EIPR1: variants seen among roughly 807,000 people sequenced by gnomAD.
The protein encoded by EIPR1 is EARP and GARP complex-interacting protein 1.
A neutral mutation model predicts 48.1 loss-of-function variants in EIPR1; 25 were observed. The observed-to-expected ratio is 0.52, with a 90% CI of 0.38 to 0.73. EIPR1 has a LOEUF of 0.73. Among genes scored for constraint, EIPR1 ranks in the 30% least tolerant of loss-of-function variants. The probability of loss-of-function intolerance (pLI) is 0.00; values close to 1 mark genes in which losing one functional copy is unlikely to be tolerated. For synonymous variants in EIPR1, 204 were observed against 201.9 expected, an observed-to-expected ratio of 1.01 and a Z score of -0.09; for missense variants, 415 against 506.2, an observed-to-expected ratio of 0.82 and a Z score of 1.73.
At chr2:3,219,011 A>G (rs1665759148) in intron 4 of EIPR1, among the ~76,000 whole-genome samples, 2 of 148,734 alleles carry the variant, frequency 1.3e-5, no homozygotes, top group East Asian at 2.0e-4. Context: ...TGCACACTCA[A>G]CACGACCCTG....
intron 2 of EIPR1, among the ~76,000 whole-genome samples, chr2:3,351,551 T>C (rs913739173): frequency 6.6e-6 from 1 of 152,184 alleles, no homozygotes; most frequent in Admixed American, 6.5e-5. Flanking sequence ...CTATCTCCCA[T>C]GTGGGTTTTA....
In EIPR1 at chr2:3,377,789, T is replaced by A; in HGVS notation, c.-100A>T. On this transcript the variant is annotated 5_prime_UTR_variant, in exon 1 of 9. An upstream start codon of the reference 5' UTR is lost. Coordinates refer to ENST00000382125, the MANE Select transcript of EIPR1 (RefSeq NM_003310.5). ...CGGGCGTGTTCCCAGCGCCCATTCA[T>A]TCCCTCCCCGCAGCAAACGACTCCA... The A allele has an allele frequency of 7.2e-7, 1 of 1,398,328 alleles. No homozygotes were observed. The highest frequency in any genetic ancestry group is 9.8e-7 in the Non-Finnish European group (1 of 1,019,282). 86.6% of individuals were successfully genotyped at this position (1,398,328 alleles called of 1,614,324 possible).
intron 4 of EIPR1, among the ~76,000 whole-genome samples, chr2:3,235,462 A>C (rs6739865): frequency 1.4e-4 from 21 of 151,646 alleles, no homozygotes; most frequent in South Asian, 2.1e-4. Flanking sequence ...ACACACACAC[A>C]CCCCCCAATA....
chr2:3,268,038 GCTTCCACGC>G (rs2103237701), intron 3 of EIPR1, among the ~76,000 whole-genome samples: 1 of 152,328 alleles, frequency 6.6e-6, no homozygotes, highest in East Asian at 1.9e-4. Context: ...AGAGGCAGGG[GCTTCCACGC>G]CATGGTCCTG....
At chr2:3,351,952 C>T (rs868580428) in intron 2 of EIPR1, among the ~76,000 whole-genome samples, 1 of 152,244 alleles carries the variant, frequency 6.6e-6, no homozygotes, top group African/African-American at 2.4e-5. Context: ...CCATCCCACC[C>T]GAAACGTGAG....
intron 4 of EIPR1, among the ~76,000 whole-genome samples, chr2:3,228,488 G>A (rs749658246): frequency 1.3e-5 from 2 of 152,250 alleles, no homozygotes; most frequent in African/African-American, 2.4e-5. Flanking sequence ...TGTCTCAGAT[G>A]AAACTTTGGA....
intron 5 of EIPR1, among the ~76,000 whole-genome samples, chr2:3,210,774 G>T (rs1366277874): frequency 6.6e-6 from 1 of 151,986 alleles, no homozygotes; most frequent in African/African-American, 2.4e-5. Flanking sequence ...GAGATTACAG[G>T]CACGTGCCAC....
At chr2:3,358,274 C>T (rs1178356003) in intron 1 of EIPR1, among the ~76,000 whole-genome samples, 2 of 152,116 alleles carry the variant, frequency 1.3e-5, no homozygotes, top group African/African-American at 4.8e-5. Flanking sequence ...ACAACTAGAG[C>T]AAAACAAGGA....
At chr2:3,256,125 A>G (rs995607047) in intron 4 of EIPR1, among the ~76,000 whole-genome samples, 1 of 152,212 alleles carries the variant, frequency 6.6e-6, no homozygotes, top group African/African-American at 2.4e-5. Flanking sequence ...AAGCACAGCA[A>G]GTATAAAAAT....
Position 3,345,812 on chromosome 2 carries a change from C to T in EIPR1, c.127-7663G>A, listed in dbSNP as rs556144999. Among the ~76,000 whole-genome samples the T allele has an allele frequency of 9.4e-4, 143 of 152,092 alleles. 1 individual carries two copies. Among genetic ancestry groups the T allele is most frequent in the Non-Finnish European group, 1.4e-3 (98 of 67,974 alleles). On this transcript the variant is annotated intron_variant, in intron 2 of 8. Coordinates refer to ENST00000382125, the MANE Select transcript of EIPR1 (RefSeq NM_003310.5). ...CACATGTAGGAAGGGAATGCGGCCC[C>T]GGGGCACCACGCTTATCTTTCCCTA...
At position 3,205,433 on chromosome 2, in the gene EIPR1, T is replaced by C. The variant is rs548720976; in HGVS notation, c.517-8416A>G. Among the ~76,000 whole-genome samples, 5 of 152,180 alleles carry C rather than the reference T, an allele frequency of 3.3e-5. No homozygotes were observed. The South Asian group carries it at 1.0e-3, about 32-fold the overall frequency. ...GATGGCTGGAACTGCTGCAGCTGCC[T>C]TGCAGTCATGAAGGCAGAAAGCAGT... On this transcript the variant is annotated intron_variant, in intron 5 of 8. Coordinates refer to ENST00000382125, the MANE Select transcript of EIPR1 (RefSeq NM_003310.5).
chr2:3,313,467 GAC>G (rs1218705865), intron 3 of EIPR1, among the ~76,000 whole-genome samples: 1 of 152,146 alleles, frequency 6.6e-6, no homozygotes, highest in Non-Finnish European at 1.5e-5. Context: ...CTCACAGTAG[GAC>G]ACAGAGCCCA....
intron 4 of EIPR1, among the ~76,000 whole-genome samples, chr2:3,238,572 C>T (rs1666490757): frequency 6.6e-6 from 1 of 152,236 alleles, no homozygotes; most frequent in Non-Finnish European, 1.5e-5. Context: ...TGCAGCCTTC[C>T]TTCTGGTCTC....
chr2:3,292,546 G>A (rs992241608), intron 3 of EIPR1, among the ~76,000 whole-genome samples: 1 of 152,196 alleles, frequency 6.6e-6, no homozygotes, highest in Admixed American at 6.5e-5. Context: ...CTCCAGATAG[G>A]TGCTGCTGTC....
chr2:3,238,520 T>A (rs1355240821), intron 4 of EIPR1, among the ~76,000 whole-genome samples: 1 of 152,238 alleles, frequency 6.6e-6, no homozygotes, highest in Non-Finnish European at 1.5e-5. Context: ...CTCTCTCAGA[T>A]GCCATACACC....
chr2:3,246,978 GA>G (rs1337247099), intron 4 of EIPR1, among the ~76,000 whole-genome samples: 6 of 76 alleles, frequency 0.079, 1 homozygote, highest in Admixed American at 0.3. Context: ...GGGAAGGAGG[GA>G]GGGAGGGAGG....
At chr2:3,191,652 T>C (rs1664609780) in intron 8 of EIPR1, among the ~76,000 whole-genome samples, 1 of 152,190 alleles carries the variant, frequency 6.6e-6, no homozygotes, top group Admixed American at 6.5e-5. Context: ...ATCTCTGCGG[T>C]TGCAACTGAA....
At chr2:3,310,467 A>T (rs1028038720) in intron 3 of EIPR1, among the ~76,000 whole-genome samples, 19 of 140,204 alleles carry the variant, frequency 1.4e-4, no homozygotes. Flanking sequence ...TCCTGGCTAA[A>T]ACGGTGAAAC....
At chr2:3,353,142 C>A in intron 2 of EIPR1, 4 of 431,426 alleles carry the variant, frequency 9.3e-6, no homozygotes, top group South Asian at 6.8e-5. Flanking sequence ...CTAACTTATA[C>A]CTTAAACTTT....
Sources: gnomAD v4.1 joint callset for allele counts (sites outside exome capture counted in the v4.1 genomes callset) on GRCh38, gnomAD v4.1.1 for gene constraint, MANE v1.5 for transcripts, NCBI Gene and HGNC (gene_info 2026-07-23, HGNC 2026-07-21) for gene names.